The following PPEF2 variants were observed in gnomAD, a reference collection of about 807,000 sequenced individuals.
PPEF2 encodes protein phosphatase with EF-hand domain 2, also known as serine/threonine-protein phosphatase with EF-hands 2.
A neutral mutation model predicts 84.7 loss-of-function variants in PPEF2; 84 were observed. The ratio of observed to expected loss-of-function variants is 0.99; its 90% CI spans 0.83 to 1.19. The LOEUF (loss-of-function observed/expected upper bound fraction) is 1.19, where lower values mean the gene tolerates loss of function less well. Among genes scored for constraint, PPEF2 ranks in the 50% most tolerant of loss-of-function variants. The probability of loss-of-function intolerance (pLI) is 0.00; values close to 1 mark genes in which losing one functional copy is unlikely to be tolerated. For missense variants in PPEF2, 924 were observed against 937.5 expected, an observed-to-expected ratio of 0.99 and a Z score of 0.19; for synonymous variants, 346 against 345.2, an observed-to-expected ratio of 1.00 and a Z score of -0.03.
At chr4:75,878,307 T>G (rs946470821) in intron 10 of PPEF2, among the ~76,000 whole-genome samples, 1 of 152,222 alleles carries the variant, frequency 6.6e-6, no homozygotes, top group Admixed American at 6.5e-5. Context: ...GAGCAGATTG[T>G]AGCAGCGAGC....
intron 16 of PPEF2, among the ~76,000 whole-genome samples, chr4:75,863,659 C>T (rs1724060873): frequency 6.6e-6 from 1 of 151,820 alleles, no homozygotes; most frequent in Non-Finnish European, 1.5e-5. Flanking sequence ...TGAAAAAAGC[C>T]TTTGGACCAT....
chr4:75,893,956 C>T (rs889847056), intron 2 of PPEF2, among the ~76,000 whole-genome samples: 5 of 152,228 alleles, frequency 3.3e-5, no homozygotes, highest in Admixed American at 1.3e-4. Flanking sequence ...AGTGCAGGAT[C>T]TTTTAATATC....
intron 1 of PPEF2, among the ~76,000 whole-genome samples, chr4:75,897,529 G>A (rs865972867): frequency 7.2e-5 from 11 of 152,124 alleles, no homozygotes; most frequent in African/African-American, 2.2e-4. Context: ...GCTCATGTCT[G>A]TAATCCCAGC....
rs1300728683 is a variant in PPEF2, at chr4:75,883,176, T to C, written c.773A>G (p.Asn258Ser). The C allele has an allele frequency of 1.1e-5, 18 of 1,613,702 alleles. No homozygotes were observed. The highest frequency in any genetic ancestry group is 1.4e-5 in the Non-Finnish European group (17 of 1,179,858). The change falls in exon 9 of 17, where the codon AAT (asparagine) becomes AGT (serine). Residue 258 changes from asparagine (N) to serine (S), a missense_variant. Transcript: ENST00000286719. ...TTAAAGGCAGCGCACCTTGTATTTA[T>C]TCATCACTTCCTTGGTGAAGCCATA... ...LRYGFTKEVM[N>S]KYKVHGKEIL...
rs13128802 is a variant in PPEF2, at chr4:75,861,856, A to G, written c.2009-936T>C. ...GATCTCCTGACCTCGTGATCCACCT[A>G]CCTCGGCCTCCCAAAGTGCTGGGAT... On this transcript the variant is annotated intron_variant, in intron 16 of 16. Transcript: ENST00000286719. 1.7e-3 allele frequency among the ~76,000 whole-genome samples: 235 copies of G among 139,414 alleles called. No homozygotes were observed. In the Middle Eastern group the frequency reaches 0.049, roughly 29 times the overall value. 91.5% of individuals were successfully genotyped at this position (139,414 alleles called of 152,430 possible). A position where few individuals can be genotyped will look rare whatever the true frequency, so the allele number is the denominator to read the frequency against.
chr4:75,874,025 T>G (rs1421474878), intron 11 of PPEF2, among the ~76,000 whole-genome samples: 1 of 151,876 alleles, frequency 6.6e-6, no homozygotes, highest in African/African-American at 2.4e-5. Context: ...GGAGAATCAC[T>G]GTAACCCGGA....
intron 7 of PPEF2, among the ~76,000 whole-genome samples, chr4:75,885,637 G>A (rs1724700650): frequency 6.6e-6 from 1 of 152,198 alleles, no homozygotes; most frequent in Non-Finnish European, 1.5e-5. Flanking sequence ...GCTGAGGTGA[G>A]TGGATCACTT....
intron 1 of PPEF2, among the ~76,000 whole-genome samples, chr4:75,898,056 C>A (rs1725047019): frequency 6.6e-6 from 1 of 152,156 alleles, no homozygotes; most frequent in African/African-American, 2.4e-5. Flanking sequence ...AAGGGATGGG[C>A]CGAATTAAAG....
intron 7 of PPEF2, among the ~76,000 whole-genome samples, chr4:75,886,141 C>A (rs1417235372): frequency 6.6e-6 from 1 of 152,190 alleles, no homozygotes; most frequent in Non-Finnish European, 1.5e-5. Flanking sequence ...GGCTAAGGAG[C>A]CAATGGGACA....
chr4:75,896,261 A>T lies in PPEF2; in HGVS notation c.55+10T>A. On this transcript the variant is annotated intron_variant, in intron 2 of 16. Transcript: ENST00000286719. ...ACCCACAGCTGGTTTGGAAAGTGGG[A>T]AACACGTACCTCTCTCTGCATTCTG... is the stretch of plus-strand genomic sequence containing the variant. The T allele has an allele frequency of 6.2e-7, 1 of 1,613,708 alleles. No homozygotes were observed. Among genetic ancestry groups the T allele is most frequent in the Non-Finnish European group, 8.5e-7 (1 of 1,179,610 alleles).
intron 14 of PPEF2, 101 bp from the exon 15 acceptor site, chr4:75,866,453 G>T: frequency 7.0e-7 from 1 of 1,429,602 alleles, no homozygotes; most frequent in South Asian, 1.2e-5. Context: ...ACTATCTGCA[G>T]GTAATAGAAA....
intron 7 of PPEF2, among the ~76,000 whole-genome samples, chr4:75,885,996 C>T (rs781700229): frequency 4.9e-5 from 6 of 123,308 alleles, no homozygotes; most frequent in African/African-American, 8.7e-5. Flanking sequence ...GCGAGAAGAG[C>T]GAAACTCTGT....
intron 6 of PPEF2, among the ~76,000 whole-genome samples, chr4:75,887,322 C>T (rs1455834684): frequency 6.6e-6 from 1 of 152,168 alleles, no homozygotes; most frequent in East Asian, 1.9e-4. Context: ...TGTTGAAATA[C>T]CATTTTTAAA....
In PPEF2 at chr4:75,891,980, T is replaced by A; in HGVS notation, c.56-2A>T. The stretch of plus-strand genomic sequence containing the variant: ...GGATCAGGGCTGCTGCCTTGAAGGC[T>A]ATGACACCGATGGAGAAGCAAGCCT... On this transcript the variant is annotated splice_acceptor_variant, in intron 2 of 16. Transcript: ENST00000286719. LOFTEE classifies it high-confidence loss of function. The A allele has an allele frequency of 1.2e-6, 2 of 1,611,446 alleles. No homozygotes were observed. Among genetic ancestry groups the A allele is most frequent in the Non-Finnish European group, 1.7e-6 (2 of 1,177,784 alleles).
intron 15 of PPEF2, among the ~76,000 whole-genome samples, chr4:75,865,361 C>T (rs1035336675): frequency 6.6e-6 from 1 of 152,064 alleles, no homozygotes; most frequent in African/African-American, 2.4e-5. Context: ...ATCGTGTTGG[C>T]ACTCAAAAAG....
intron 10 of PPEF2, among the ~76,000 whole-genome samples, chr4:75,882,552 T>TTC (rs1724604897): frequency 6.6e-6 from 1 of 151,608 alleles, no homozygotes; most frequent in Non-Finnish European, 1.5e-5. Flanking sequence ...TTTTTTTTTT[T>TTC]TAGAAACAGG....
rs549619326 is a variant in PPEF2 at position 75,876,662 on chromosome 4, G to A, written c.945C>T (p.Thr315=). ...DKIERSKIVS[T]MRCKTRQKSE... is the part of the protein sequence containing the mutation. Reference sequence around the variant, plus strand: ...TCTTCTGTCTCGTTTTGCACCTCATGGTGGAAACTATCTAAACACGTCCAG... The same window carrying A: ...TCTTCTGTCTCGTTTTGCACCTCATAGTGGAAACTATCTAAACACGTCCAG... The change falls in exon 11 of 17, where the codon ACC becomes ACT. Residue 315 remains threonine, a synonymous_variant. Coordinates refer to ENST00000286719, the MANE Select transcript of PPEF2 (RefSeq NM_006239.3). 5.0e-5 allele frequency: 78 copies of A among 1,548,730 alleles called. No homozygotes were observed. The South Asian group carries it at 9.4e-4, about 19-fold the overall frequency.
At chr4:75,881,222 C>G (rs1724566231) in intron 10 of PPEF2, 1 of 151,620 alleles carries the variant, frequency 6.6e-6, no homozygotes, top group Non-Finnish European at 1.5e-5. Context: ...GCCTCAGCCT[C>G]CTGAGTAGCT....
Position 75,873,140 on chromosome 4 carries a change from C to A in PPEF2, c.1493G>T (p.Cys498Phe), listed in dbSNP as rs904573792. 6.2e-7 allele frequency: 1 copy of A among 1,613,608 alleles called. No homozygotes were observed. The highest frequency in any genetic ancestry group is 8.5e-7 in the Non-Finnish European group (1 of 1,179,742). The change falls in exon 12 of 17, where the codon TGT becomes TTT. Residue 498 changes from cysteine (C) to phenylalanine (F), a missense_variant. Coordinates refer to ENST00000286719, the MANE Select transcript of PPEF2 (RefSeq NM_006239.3). ...HECKPEGYEFCHNRKVLTIFS... is the reference protein window; with the variant it reads ...HECKPEGYEFFHNRKVLTIFS... ...GGGAGCACCCACCTTGCGGTTGTGA[C>A]AGAATTCATAGCCTTCAGGTTTGCA... is the stretch of plus-strand genomic sequence containing the variant.
Sources: gnomAD v4.1 joint callset for allele counts (sites outside exome capture counted in the v4.1 genomes callset) on GRCh38, gnomAD v4.1.1 for gene constraint, MANE v1.5 for transcripts, NCBI Gene and HGNC (gene_info 2026-07-23, HGNC 2026-07-21) for gene names.